OPA3: variants seen among roughly 807,000 people sequenced by gnomAD.
OPA3 encodes the protein outer mitochondrial membrane lipid metabolism regulator OPA3.
Under a neutral mutation model 4.0 loss-of-function variants are expected in OPA3, and 6 were observed. That is an observed-to-expected ratio of 1.51 (90% CI 0.83 to 2.99). OPA3 has a LOEUF of 2.99. Ranked by LOEUF, OPA3 falls within the 30% of genes most tolerant of loss-of-function variation. OPA3 has a pLI of 0.00. For missense variants in OPA3, 235 were observed against 256.2 expected, an observed-to-expected ratio of 0.92 and a Z score of 0.56; for synonymous variants, 105 against 117.1, an observed-to-expected ratio of 0.90 and a Z score of 0.67.
chr19:45,572,385 T>C (rs1969685604), intron 1 of OPA3, among the ~76,000 whole-genome samples: 1 of 132,710 alleles, frequency 7.5e-6, no homozygotes, highest in Admixed American at 8.4e-5. Context: ...ATATATCTCA[T>C]ATATATCAAC....
intron 1 of OPA3, among the ~76,000 whole-genome samples, chr19:45,564,517 A>C (rs1969554160): frequency 6.6e-6 from 1 of 152,206 alleles, no homozygotes; most frequent in Non-Finnish European, 1.5e-5. Flanking sequence ...GCTGGTGGGC[A>C]ATGCAGACAT....
rs1168836434 is a variant in OPA3 at position 45,533,616 on chromosome 19, T to C, written c.143-4160A>G. 3.3e-5 allele frequency among the ~76,000 whole-genome samples: 5 copies of C among 152,094 alleles called. No homozygotes were observed. In the East Asian group the frequency reaches 9.6e-4, roughly 29 times the overall value. On this transcript the variant is annotated intron_variant, in intron 1 of 1. Coordinates refer to the OPA3 transcript ENST00000323060. ...CAGCCGGATCCTAATCCAGGAGAGG[T>C]CAGTTCACCAGTAAGTCCGTACTCC...
intron 1 of OPA3, among the ~76,000 whole-genome samples, chr19:45,571,118 AC>A (rs1441499201): frequency 1.3e-5 from 2 of 151,834 alleles, no homozygotes; most frequent in Non-Finnish European, 2.9e-5. Flanking sequence ...ACTGCTAAAT[AC>A]TTTCATTTAT....
intron 1 of OPA3, among the ~76,000 whole-genome samples, chr19:45,575,448 A>C (rs1969752160): frequency 6.6e-6 from 1 of 152,080 alleles, no homozygotes; most frequent in African/African-American, 2.4e-5. Flanking sequence ...AGAAAAAGAA[A>C]ACTGAAACCA....
intron 1 of OPA3, among the ~76,000 whole-genome samples, chr19:45,532,322 T>C (rs529802795): frequency 1.8e-4 from 27 of 152,308 alleles, no homozygotes; most frequent in Admixed American, 1.0e-3. Flanking sequence ...TTTAATCTGA[T>C]TCTTTTCACT....
At position 45,553,837 on chromosome 19, in the gene OPA3, C is replaced by T. The variant is rs1475568526; in HGVS notation, c.217G>A (p.Glu73Lys). 3 of 1,613,034 alleles carry T rather than the reference C, an allele frequency of 1.9e-6. No homozygotes were observed. The highest frequency in any genetic ancestry group is 8.5e-7 in the Non-Finnish European group (1 of 1,179,474). Residue 73 changes from glutamate to lysine, a missense_variant, in exon 2 of 2, where the codon GAG becomes AAG. By Grantham distance (56) the Glu-to-Lys change is moderately conservative (BLOSUM62 1). Transcript: ENST00000263275. The stretch of plus-strand genomic sequence containing the variant: ...GCGCCCAGCTCAGCTGCCGCCTCCT[C>T]GTTCAGCGGCTTGATGACCGTGCCC... The part of the protein sequence containing the change: ...FRGTVIKPLN[E>K]EAAAELGAEL...
At chr19:45,542,565 G>A (rs1473611982), downstream of OPA3, among the ~76,000 whole-genome samples, 1 of 151,734 alleles carries the variant, frequency 6.6e-6, no homozygotes, top group Non-Finnish European at 1.5e-5. Flanking sequence ...AAACGGTACA[G>A]TAAAAATACG....
At chr19:45,569,327 C>T (rs767217261) in intron 1 of OPA3, among the ~76,000 whole-genome samples, 1 of 152,032 alleles carries the variant, frequency 6.6e-6, no homozygotes, top group Non-Finnish European at 1.5e-5. Context: ...GGCGTGGTGG[C>T]GGGCACCTGT....
chr19:45,534,654 A>G (rs1969096918), intron 1 of OPA3, among the ~76,000 whole-genome samples: 1 of 147,022 alleles, frequency 6.8e-6, no homozygotes, highest in African/African-American at 2.5e-5. Flanking sequence ...TTTTTTTGAG[A>G]TGGAATCTTG....
downstream of OPA3, among the ~76,000 whole-genome samples, chr19:45,541,437 G>A (rs975015966): frequency 3.3e-5 from 5 of 152,130 alleles, no homozygotes; most frequent in South Asian, 2.1e-4. Context: ...CTGGTGTAGC[G>A]GCTCAGGCTT....
At chr19:45,565,939 A>G (rs1969576049) in intron 1 of OPA3, among the ~76,000 whole-genome samples, 2 of 152,198 alleles carry the variant, frequency 1.3e-5, no homozygotes, top group Non-Finnish European at 2.9e-5. Context: ...TGACAGAGTG[A>G]CACTTGGTCT....
chr19:45,579,006 C>A (rs918934426), intron 1 of OPA3, among the ~76,000 whole-genome samples: 1 of 152,056 alleles, frequency 6.6e-6, no homozygotes, highest in South Asian at 2.1e-4. Flanking sequence ...GTGCCAGGCA[C>A]GCTCATGCCT....
chr19:45,540,174 G>T (rs748963800), intron 1 of OPA3, among the ~76,000 whole-genome samples: 1 of 151,796 alleles, frequency 6.6e-6, no homozygotes, highest in Non-Finnish European at 1.5e-5. Flanking sequence ...AAAATTAGCC[G>T]GGTGTGGTGG....
intron 1 of OPA3, among the ~76,000 whole-genome samples, chr19:45,581,573 T>C (rs1223619491): frequency 6.6e-6 from 1 of 152,190 alleles, no homozygotes; most frequent in African/African-American, 2.4e-5. Flanking sequence ...TTGGTGCTGG[T>C]TTGGTCCCTG....
intron 1 of OPA3, among the ~76,000 whole-genome samples, chr19:45,560,604 C>A (rs73942920): frequency 0.031 from 4,766 of 152,170 alleles, 128 homozygotes; most frequent in East Asian, 0.11. Flanking sequence ...GGCTCCAGGC[C>A]CCCTCTACAC....
At chr19:45,530,338 A>G (rs1036420901) in intron 1 of OPA3, among the ~76,000 whole-genome samples, 1 of 152,010 alleles carries the variant, frequency 6.6e-6, no homozygotes, top group African/African-American at 2.4e-5. Context: ...TGGGAGACAG[A>G]GCGAGACTCC....
intron 1 of OPA3, among the ~76,000 whole-genome samples, chr19:45,577,179 G>A (rs573005689): frequency 6.6e-6 from 1 of 152,308 alleles, no homozygotes; most frequent in Admixed American, 6.5e-5. Context: ...CCCCAACAGG[G>A]TGCATCATCG....
At chr19:45,541,695 G>C (rs930815621), downstream of OPA3, among the ~76,000 whole-genome samples, 1 of 152,080 alleles carries the variant, frequency 6.6e-6, no homozygotes, top group Non-Finnish European at 1.5e-5. Flanking sequence ...CTCCTGAGTA[G>C]CTGGGACTAT....
At chr19:45,569,579 G>A (rs925865086) in intron 1 of OPA3, among the ~76,000 whole-genome samples, 15 of 152,192 alleles carry the variant, frequency 9.9e-5, no homozygotes, top group South Asian at 4.1e-4. Flanking sequence ...TTTAGAAGCC[G>A]ATACTCACCA....
Sources: allele counts gnomAD v4.1 joint callset (sites outside exome capture counted in the v4.1 genomes callset), GRCh38; gene constraint gnomAD v4.1.1; transcripts MANE v1.5; gene names NCBI Gene and HGNC (gene_info 2026-07-23, HGNC 2026-07-21).